The following DPH6 variants were observed in gnomAD, a reference collection of about 807,000 sequenced individuals.
DPH6 encodes the protein diphthamine biosynthesis 6.
Under a neutral mutation model 38.2 loss-of-function variants are expected in DPH6, and 33 were observed. The observed-to-expected ratio is 0.86, with a 90% confidence interval of 0.65 to 1.15. DPH6 has a LOEUF of 1.15. Ranked by LOEUF, DPH6 falls within the 50% of genes most tolerant of loss-of-function variation. The probability of loss-of-function intolerance (pLI) is 0.00; values close to 1 mark genes in which losing one functional copy is unlikely to be tolerated. For synonymous variants in DPH6, 108 were observed against 103.0 expected (o/e 1.05, Z -0.30); for missense variants, 325 against 320.0 (o/e 1.02, Z -0.12).
intron 3 of DPH6, among the ~76,000 whole-genome samples, chr15:35,466,468 TTGAGA>T (rs1408103747): frequency 6.6e-6 from 1 of 152,134 alleles, no homozygotes; most frequent in South Asian, 2.1e-4. Context: ...TTTGATTAGT[TTGAGA>T]TAACTAAAAT....
At chr15:35,455,122 C>G (rs1224106915) in intron 3 of DPH6, among the ~76,000 whole-genome samples, 1 of 152,128 alleles carries the variant, frequency 6.6e-6, no homozygotes, top group Non-Finnish European at 1.5e-5. Context: ...TTTTTAAAGA[C>G]TCACTGATGT....
chr15:35,431,561 C>T (rs1445535580), intron 5 of DPH6, among the ~76,000 whole-genome samples: 1 of 151,886 alleles, frequency 6.6e-6, no homozygotes, highest in African/African-American at 2.4e-5. Flanking sequence ...GTGCCAGAGG[C>T]TATAAAGACC....
At chr15:35,182,159 T>C in the DPH6 span, among the ~76,000 whole-genome samples, 1 of 150,752 alleles carries the variant, frequency 6.6e-6, no homozygotes, top group Admixed American at 6.6e-5. Flanking sequence ...TTTACAGTTT[T>C]ACATGTATAA....
At chr15:35,400,299 C>T (rs192959569) in intron 6 of DPH6, among the ~76,000 whole-genome samples, 4 of 152,086 alleles carry the variant, frequency 2.6e-5, no homozygotes, top group Non-Finnish European at 4.4e-5. Context: ...TGGGCTTTTA[C>T]AGTTATTATA....
rs1017229860 is a variant in DPH6, at chr15:35,399,588, C to T, written c.567+11247G>A. Among the ~76,000 whole-genome samples the T allele has an allele frequency of 1.2e-3, 181 of 152,246 alleles. 1 individual carries two copies. Among genetic ancestry groups the T allele is most frequent in the Non-Finnish European group, 5.7e-4 (39 of 68,016 alleles). ...ACACACCCAAGATACACCTAAGAGTCACAATTCTAGGGGCAAAAAGAATAT... is the reference window on the plus strand; with the variant it reads ...ACACACCCAAGATACACCTAAGAGTTACAATTCTAGGGGCAAAAAGAATAT... On this transcript the variant is annotated intron_variant, in intron 6 of 8. Coordinates refer to ENST00000256538, the MANE Select transcript of DPH6 (RefSeq NM_080650.4).
intron 3 of DPH6, among the ~76,000 whole-genome samples, chr15:35,236,231 T>C (rs2051549987): frequency 6.6e-6 from 1 of 152,230 alleles, no homozygotes; most frequent in Non-Finnish European, 1.5e-5. Flanking sequence ...AGCATCAAAC[T>C]GAATTTTGGT....
chr15:35,431,229 A>G (rs1158054487), intron 5 of DPH6, among the ~76,000 whole-genome samples: 1 of 152,204 alleles, frequency 6.6e-6, no homozygotes, highest in Non-Finnish European at 1.5e-5. Flanking sequence ...AGTCATTCAT[A>G]ATTACCCCTA....
chr15:35,224,313 G>T (rs1474458694), intron 3 of DPH6, among the ~76,000 whole-genome samples: 1 of 151,882 alleles, frequency 6.6e-6, no homozygotes, highest in African/African-American at 2.4e-5. Context: ...CATCATGTTG[G>T]CCAGGCTAGT....
chr15:35,264,757 C>A (rs958942780), intron 3 of DPH6, among the ~76,000 whole-genome samples: 1 of 152,232 alleles, frequency 6.6e-6, no homozygotes, highest in East Asian at 1.9e-4. Context: ...ATTTACTGAG[C>A]TAGGTACTGA....
intron 3 of DPH6, among the ~76,000 whole-genome samples, chr15:35,470,988 A>G (rs2054191556): frequency 6.6e-6 from 1 of 152,184 alleles, no homozygotes; most frequent in Non-Finnish European, 1.5e-5. Context: ...AGAGAAATAG[A>G]AGACCTGAGT....
the DPH6 span, among the ~76,000 whole-genome samples, chr15:35,154,627 C>A: frequency 1.3e-5 from 2 of 152,150 alleles, no homozygotes; most frequent in African/African-American, 2.4e-5. Flanking sequence ...CAAATGTGAA[C>A]CCAGTATGAA....
chr15:35,314,220 G>A (rs935156492), intron 3 of DPH6, among the ~76,000 whole-genome samples: 5 of 152,128 alleles, frequency 3.3e-5, no homozygotes, highest in Admixed American at 1.3e-4. Flanking sequence ...TCAGAGAAAT[G>A]TAAGTTGGTG....
At chr15:35,439,551 T>C (rs539766050) in intron 5 of DPH6, among the ~76,000 whole-genome samples, 1 of 152,366 alleles carries the variant, frequency 6.6e-6, no homozygotes, top group South Asian at 2.1e-4. Flanking sequence ...TGCTTCCTTT[T>C]AAGGAATCAA....
chr15:35,493,961 A>G (rs1293390888), intron 3 of DPH6, among the ~76,000 whole-genome samples: 1 of 152,168 alleles, frequency 6.6e-6, no homozygotes, highest in Non-Finnish European at 1.5e-5. Flanking sequence ...CGTACAATAT[A>G]GCCTTCCAGA....
At chr15:35,355,866 T>A (rs1291399343) in intron 3 of DPH6, among the ~76,000 whole-genome samples, 1 of 152,222 alleles carries the variant, frequency 6.6e-6, no homozygotes, top group Non-Finnish European at 1.5e-5. Context: ...CTGGATAATA[T>A]CCTGCAGAGT....
chr15:35,400,747 G>T, intron 6 of DPH6: 1 of 742,044 alleles, frequency 1.3e-6, no homozygotes, highest in South Asian at 1.5e-5. Flanking sequence ...TCTTATTGGA[G>T]GGTTGAGCTT....
chr15:35,310,205 T>C (rs545232182), intron 3 of DPH6, among the ~76,000 whole-genome samples: 8 of 152,314 alleles, frequency 5.3e-5, no homozygotes, highest in African/African-American at 1.9e-4. Flanking sequence ...GTGGGATTCA[T>C]TTCACAAAAA....
chr15:35,464,278 G>A (rs1327109779), intron 3 of DPH6, among the ~76,000 whole-genome samples: 1 of 146,984 alleles, frequency 6.8e-6, no homozygotes, highest in Non-Finnish European at 1.5e-5. Flanking sequence ...TGGCAATAGG[G>A]CAAGACTTTG....
At chr15:35,203,604 A>T in the DPH6 span, among the ~76,000 whole-genome samples, 3 of 151,734 alleles carry the variant, frequency 2.0e-5, no homozygotes, top group Non-Finnish European at 4.4e-5. Context: ...TAGCTACCAA[A>T]TAAATGTCAT....
Sources: allele counts gnomAD v4.1 joint callset (sites outside exome capture counted in the v4.1 genomes callset), GRCh38; gene constraint gnomAD v4.1.1; transcripts MANE v1.5; gene names NCBI Gene and HGNC (gene_info 2026-07-23, HGNC 2026-07-21).